Variants in PDE1C observed in about 807,000 individuals in gnomAD.
PDE1C encodes phosphodiesterase 1C.
In PDE1C, 62 loss-of-function variants were observed where a neutral mutation model predicts 93.1. The ratio of observed to expected loss-of-function variants is 0.67; its 90% CI spans 0.54 to 0.82. The LOEUF (loss-of-function observed/expected upper bound fraction) is 0.82. Among genes scored for constraint, PDE1C ranks in the 40% least tolerant of loss-of-function variants. The pLI, the probability that PDE1C is intolerant of heterozygous loss-of-function variation, is 0.00. For synonymous variants in PDE1C, 325 were observed against 310.1 expected (o/e 1.05, Z -0.50); for missense variants, 742 against 884.6 (o/e 0.84, Z 2.04).
intron 8 of PDE1C, 43 bp from the exon 9 acceptor site, chr7:31,848,139 T>C (rs1322451544): frequency 6.2e-7 from 1 of 1,600,442 alleles, no homozygotes; most frequent in Non-Finnish European, 8.5e-7. Flanking sequence ...TAAACAGTTG[T>C]GATTTACTTG....
chr7:31,788,932 C>T (rs1473341236), intron 16 of PDE1C: 1 of 152,070 alleles, frequency 6.6e-6, no homozygotes, highest in Non-Finnish European at 1.5e-5. Context: ...TGAAAAAATG[C>T]CAATATTTCA....
At position 32,012,471 on chromosome 7, in the gene PDE1C, C is replaced by T. The variant is rs563219890; in HGVS notation, c.128+39083G>A. Among the ~76,000 whole-genome samples, 15 of 152,298 alleles carry T rather than the reference C, an allele frequency of 9.8e-5. No homozygotes were observed. In the South Asian group the frequency reaches 3.1e-3, roughly 32 times the overall value. On this transcript the variant is annotated intron_variant, in intron 2 of 17. Transcript: ENST00000396191. ...CTCCCACCAGGCCCCACCTCCAACACTAGGGATTACATTTCAACATGAGAT... is the reference window on the plus strand; with the variant it reads ...CTCCCACCAGGCCCCACCTCCAACATTAGGGATTACATTTCAACATGAGAT...
intron 1 of PDE1C, among the ~76,000 whole-genome samples, chr7:32,313,790 A>G (rs1783109253): frequency 6.6e-6 from 1 of 150,986 alleles, no homozygotes; most frequent in Non-Finnish European, 1.5e-5. Context: ...GCATTAGGAG[A>G]TATACCTAAT....
chr7:31,978,821 T>A (rs562638724), intron 2 of PDE1C, among the ~76,000 whole-genome samples: 1 of 152,126 alleles, frequency 6.6e-6, no homozygotes, highest in African/African-American at 2.4e-5. Flanking sequence ...CATCTGCGGG[T>A]TTCTGGAGGT....
At chr7:31,784,631 CAT>C (rs1584061332) in intron 16 of PDE1C, 1 of 151,416 alleles carries the variant, frequency 6.6e-6, no homozygotes, top group Non-Finnish European at 1.5e-5. Flanking sequence ...AAAAGGAAAA[CAT>C]AAAGGAGAGT....
chr7:31,672,570 TTTTTTA>T, the PDE1C span, among the ~76,000 whole-genome samples: 1 of 139,048 alleles, frequency 7.2e-6, no homozygotes, highest in African/African-American at 3.4e-5. Flanking sequence ...TTCTTTTTCC[TTTTTTA>T]TTTTTTAATT....
intron 2 of PDE1C, among the ~76,000 whole-genome samples, chr7:31,908,581 G>A (rs547941537): frequency 1.3e-5 from 2 of 152,286 alleles, no homozygotes; most frequent in South Asian, 4.1e-4. Context: ...TACATATTCT[G>A]ACTTTGCACT....
chr7:31,720,169 CAAAAAAAAAAAAAAAA>C, the PDE1C span, among the ~76,000 whole-genome samples: 2 of 50,116 alleles, frequency 4.0e-5, no homozygotes, highest in Non-Finnish European at 3.7e-5. Context: ...GACTCCGTCT[CAAAAAAAAAAAAAAAA>C]AAAAAAAAAA....
the PDE1C span, among the ~76,000 whole-genome samples, chr7:31,678,019 C>T: frequency 6.6e-6 from 1 of 151,636 alleles, no homozygotes; most frequent in Non-Finnish European, 1.5e-5. Flanking sequence ...AATAAAAGGC[C>T]CCACCTATAA....
At chr7:32,196,765 A>C (rs937756612) in intron 2 of PDE1C, among the ~76,000 whole-genome samples, 2 of 152,216 alleles carry the variant, frequency 1.3e-5, no homozygotes, top group Non-Finnish European at 2.9e-5. Flanking sequence ...TACATAAGGA[A>C]TGTAAGGATT....
At chr7:31,628,091 G>A in the PDE1C span, among the ~76,000 whole-genome samples, 1 of 152,210 alleles carries the variant, frequency 6.6e-6, no homozygotes, top group South Asian at 2.1e-4. Context: ...GCCTGTGAAA[G>A]TTGGAGCCTG....
chr7:31,621,712 A>T, the PDE1C span, among the ~76,000 whole-genome samples: 6 of 146,496 alleles, frequency 4.1e-5, no homozygotes, highest in East Asian at 9.8e-4. Context: ...CGAGCAAAAT[A>T]ACCAGCTAAC....
chr7:32,047,034 T>TGG (rs1443364726), intron 2 of PDE1C, among the ~76,000 whole-genome samples: 1 of 124,170 alleles, frequency 8.1e-6, no homozygotes, highest in East Asian at 2.4e-4. Context: ...GAAATAGGGG[T>TGG]GTGTGTGTGT....
intron 2 of PDE1C, among the ~76,000 whole-genome samples, chr7:32,022,869 G>A (rs941083609): frequency 1.3e-5 from 2 of 151,380 alleles, no homozygotes; most frequent in African/African-American, 4.9e-5. Context: ...TTAATCCCAG[G>A]GATATGGGAA....
intron 1 of PDE1C, among the ~76,000 whole-genome samples, chr7:32,423,844 A>AGTAACTGAAAAGGAAAAGAGC (rs1297271617): frequency 6.6e-6 from 1 of 152,260 alleles, no homozygotes; most frequent in African/African-American, 2.4e-5. Context: ...AAGAAAAGAT[A>AGTAACTGAAAAGGAAAAGAGC]GTAACTGAAA....
chr7:32,047,877 GT>G (rs1442222242), intron 2 of PDE1C, among the ~76,000 whole-genome samples: 1 of 152,106 alleles, frequency 6.6e-6, no homozygotes, highest in Non-Finnish European at 1.5e-5. Flanking sequence ...ATATCACTTA[GT>G]TTTCCTATAT....
chr7:32,027,229 C>T (rs1031493486), intron 2 of PDE1C, among the ~76,000 whole-genome samples: 19 of 151,970 alleles, frequency 1.3e-4, no homozygotes, highest in African/African-American at 4.6e-4. Context: ...CCCTGGTGGG[C>T]GATGCTGACA....
At chr7:31,648,685 C>T in the PDE1C span, among the ~76,000 whole-genome samples, 5 of 152,146 alleles carry the variant, frequency 3.3e-5, no homozygotes, top group African/African-American at 9.7e-5. Context: ...ATGATCCTGG[C>T]GTCACTGTCC....
At chr7:31,617,886 G>A in the PDE1C span, among the ~76,000 whole-genome samples, 41 of 152,228 alleles carry the variant, frequency 2.7e-4, no homozygotes, top group African/African-American at 3.6e-4. Context: ...TACTTCTAAC[G>A]CTACAAATCA....
Sources: gnomAD v4.1 joint callset for allele counts (sites outside exome capture counted in the v4.1 genomes callset) on GRCh38, gnomAD v4.1.1 for gene constraint, MANE v1.5 for transcripts, NCBI Gene and HGNC (gene_info 2026-07-23, HGNC 2026-07-21) for gene names.